Variants in UGGT1 observed in about 807,000 individuals in gnomAD.
UGGT1 encodes the protein UDP-glucose glycoprotein glucosyltransferase 1.
A neutral mutation model predicts 203.9 loss-of-function variants in UGGT1; 107 were observed. That is an observed-to-expected ratio of 0.52 (90% CI 0.45 to 0.62). UGGT1 has a LOEUF of 0.62. UGGT1 is among the 20% of genes least tolerant of loss of function. UGGT1 has a pLI of 0.00. For missense variants in UGGT1, 1,673 were observed against 1,867.2 expected (o/e 0.90, Z 1.92); for synonymous variants, 628 against 653.5 (o/e 0.96, Z 0.59).
At chr2:128,179,964 A>T (rs902264909) in intron 35 of UGGT1, 94 bp downstream of exon 35, 52 of 1,120,034 alleles carry the variant, frequency 4.6e-5, no homozygotes, top group Non-Finnish European at 6.5e-5. Context: ...ACTTTAGCAA[A>T]TTTTCCATTT....
chr2:128,155,643 A>G, intron 20 of UGGT1, 56 bp downstream of exon 20: 1 of 1,372,758 alleles, frequency 7.3e-7, no homozygotes, highest in Admixed American at 2.0e-5. Flanking sequence ...AAGTATTTGC[A>G]TATTCATCTT....
chr2:128,152,760 C>T, intron 18 of UGGT1, 24 bp from the exon 19 acceptor site: 9 of 1,586,906 alleles, frequency 5.7e-6, no homozygotes, highest in Non-Finnish European at 6.8e-6. Flanking sequence ...CCTCCCCCCT[C>T]AACCTCCTTT....
At chr2:128,133,359 T>C (rs1688976009) in intron 14 of UGGT1, 99 bp downstream of exon 14, 1 of 1,473,998 alleles carries the variant, frequency 6.8e-7, no homozygotes, top group East Asian at 2.4e-5. Flanking sequence ...CTTTACTAGC[T>C]GCTTCCTCCC....
intron 19 of UGGT1, among the ~76,000 whole-genome samples, chr2:128,154,360 G>A (rs1690126194): frequency 6.6e-6 from 1 of 152,152 alleles, no homozygotes; most frequent in Non-Finnish European, 1.5e-5. Context: ...TTTCCATTGA[G>A]TGTTGCAGCA....
At position 128,194,661 on chromosome 2, in the gene UGGT1, CAT is replaced by C. The variant is rs1185938106; in HGVS notation, c.*4920_*4921del. 7.2e-5 allele frequency: 11 copies of C among 152,224 alleles called. No homozygotes were observed. Among genetic ancestry groups the C allele is most frequent in the Admixed American group, 3.3e-4 (5 of 15,272 alleles). The allele number at this position is 152,224 out of a possible 1,614,324, so 9.4% of individuals were successfully genotyped here. A position where few individuals can be genotyped will look rare whatever the true frequency, so the allele number is the denominator to read the frequency against. On this transcript the variant is annotated 3_prime_UTR_variant, in exon 41 of 41. Transcript: ENST00000259253. ...TTGGAGTTAATCAAATAAAGCTTGT[CAT>C]GTGTGTAGTTTGGTAAGATAACTTC...
At chr2:128,115,045 C>T in intron 6 of UGGT1, 79 bp from the exon 7 acceptor site, 1 of 1,291,136 alleles carries the variant, frequency 7.7e-7, no homozygotes, top group Non-Finnish European at 1.1e-6. Context: ...GTAGATGCAA[C>T]ATTAACATGG....
intron 34 of UGGT1, 58 bp from the exon 35 acceptor site, chr2:128,179,728 A>G: frequency 3.5e-6 from 5 of 1,436,046 alleles, no homozygotes; most frequent in Non-Finnish European, 4.9e-6. Flanking sequence ...ACTCTACATA[A>G]TGTTGAGGTT....
chr2:128,170,225 TACAA>T (rs1691024075), intron 26 of UGGT1, 59 bp from the exon 27 acceptor site: 1 of 1,419,820 alleles, frequency 7.0e-7, no homozygotes, highest in African/African-American at 1.4e-5. Context: ...GGTTATATTG[TACAA>T]AAAAAACTTT....
chr2:128,119,950 T>C (rs1182684947), intron 8 of UGGT1, among the ~76,000 whole-genome samples: 2 of 151,868 alleles, frequency 1.3e-5, no homozygotes, highest in African/African-American at 2.4e-5. Context: ...TTTTTTTCTT[T>C]TTTTTTTTAA....
At chr2:128,174,226 T>C (rs7591143) in intron 30 of UGGT1, among the ~76,000 whole-genome samples, 64,449 of 151,958 alleles carry the variant, frequency 0.42, 13,894 homozygotes, top group South Asian at 0.57. Flanking sequence ...GCAACACTTA[T>C]TCATGCATCA....
chr2:128,165,547 A>C (rs926592171), intron 26 of UGGT1, among the ~76,000 whole-genome samples: 8 of 152,052 alleles, frequency 5.3e-5, no homozygotes, highest in African/African-American at 1.9e-4. Context: ...AAATACAAAA[A>C]TTAGCCAGTC....
intron 32 of UGGT1, 36 bp downstream of exon 32, chr2:128,176,934 G>A (rs1052772196): frequency 2.5e-6 from 4 of 1,574,724 alleles, no homozygotes; most frequent in Non-Finnish European, 3.5e-6. Flanking sequence ...TCTGTTATTG[G>A]ACAGCTGTCA....
Position 128,164,810 on chromosome 2 carries a change from T to G in UGGT1, c.2906T>G (p.Phe969Cys). ...GATCCAAGAATCGAGTACCAGTTTTTTGAAGACAGACACAGGTATAGAATT... is the reference window on the plus strand; with the variant it reads ...GATCCAAGAATCGAGTACCAGTTTTGTGAAGACAGACACAGGTATAGAATT... ...KGDPRIEYQFFEDRHSAIKLR... is the reference protein window; with the variant it reads ...KGDPRIEYQFCEDRHSAIKLR... The change falls in exon 26 of 41, where the codon TTT (phenylalanine) becomes TGT (cysteine). Residue 969 changes from phenylalanine (F) to cysteine (C), a missense_variant. This residue lies in a region of UGGT1 where 1,073 missense variants were observed against 1,078.7 expected (regional missense o/e 0.99). Transcript: ENST00000259253. 4 of 1,606,946 alleles carry G rather than the reference T, an allele frequency of 2.5e-6. No individual in the cohort carries two copies. Among genetic ancestry groups the G allele is most frequent in the Non-Finnish European group, 3.4e-6 (4 of 1,177,858 alleles).
chr2:128,119,371 CA>C (rs1558766001), intron 8 of UGGT1, among the ~76,000 whole-genome samples: 1 of 151,576 alleles, frequency 6.6e-6, no homozygotes, highest in Non-Finnish European at 1.5e-5. Context: ...GCGGGCGGAT[CA>C]CGAGGTCAGG....
intron 10 of UGGT1, among the ~76,000 whole-genome samples, chr2:128,122,837 T>G (rs1688443548): frequency 6.6e-6 from 1 of 152,228 alleles, no homozygotes; most frequent in South Asian, 2.1e-4. Flanking sequence ...CCATAAGTGC[T>G]TAAGTGGGAA....
chr2:128,164,691 T>C, intron 25 of UGGT1, 39 bp from the exon 26 acceptor site: 1 of 1,564,292 alleles, frequency 6.4e-7, no homozygotes, highest in Middle Eastern at 1.7e-4. Flanking sequence ...AAACTTTCAG[T>C]TAAAAAGATG....
At chr2:128,122,395 G>C (rs1370581672) in intron 10 of UGGT1, among the ~76,000 whole-genome samples, 1 of 152,042 alleles carries the variant, frequency 6.6e-6, no homozygotes, top group Non-Finnish European at 1.5e-5. Context: ...TTAGCTGGGC[G>C]TGGTGGCAGG....
chr2:128,126,658 A>C (rs4302173), intron 11 of UGGT1, among the ~76,000 whole-genome samples: 132,651 of 149,040 alleles, frequency 0.89, 60,048 homozygotes, highest in Non-Finnish European at 0.98. Flanking sequence ...AGAAATAGAT[A>C]TGCTATTCAC....
At chr2:128,143,562 C>G (rs1689539969) in intron 17 of UGGT1, among the ~76,000 whole-genome samples, 1 of 152,076 alleles carries the variant, frequency 6.6e-6, no homozygotes, top group Non-Finnish European at 1.5e-5. Context: ...GTAGAGTGGA[C>G]AAACTGGGGA....
Sources: allele counts gnomAD v4.1 joint callset (sites outside exome capture counted in the v4.1 genomes callset), GRCh38; gene constraint gnomAD v4.1.1; regional missense constraint gnomAD v4.1.1; transcripts MANE v1.5; gene names NCBI Gene and HGNC (gene_info 2026-07-23, HGNC 2026-07-21).